ZGPAT: variants seen among roughly 807,000 people sequenced by gnomAD.
The protein encoded by ZGPAT is zinc finger CCCH-type with G patch domain-containing protein.
A neutral mutation model predicts 47.9 loss-of-function variants in ZGPAT; 39 were observed. That is an observed-to-expected ratio of 0.81 (90% CI 0.63 to 1.06). The LOEUF is 1.06. ZGPAT is among the 50% of genes least tolerant of loss of function. The pLI is 0.00. For missense variants in ZGPAT, 717 were observed against 681.4 expected, an observed-to-expected ratio of 1.05 and a Z score of -0.58; for synonymous variants, 348 against 292.9, an observed-to-expected ratio of 1.19 and a Z score of -1.92.
At chr20:63,717,413 G>A (rs572178223) in intron 2 of ZGPAT, among the ~76,000 whole-genome samples, 70 of 131,818 alleles carry the variant, frequency 5.3e-4, no homozygotes, top group African/African-American at 2.0e-3. Context: ...GCAGTGGCAT[G>A]ATCTCAGCTC....
intron 2 of ZGPAT, 80 bp downstream of exon 2, chr20:63,709,244 C>G: frequency 6.6e-7 from 1 of 1,511,806 alleles, no homozygotes; most frequent in South Asian, 1.1e-5. Flanking sequence ...TCGGCCCTCC[C>G]TTTGCTTTGC....
chr20:63,709,162 C>T lies in ZGPAT; in HGVS notation c.582C>T (p.Cys194=). 6.2e-7 allele frequency: 1 copy of T among 1,608,952 alleles called. No homozygotes were observed. Among genetic ancestry groups the T allele is most frequent in the Admixed American group, 1.7e-5 (1 of 60,018 alleles). ...LEGKCRFKEN[C]RFSHGQVVSL... is the part of the protein sequence containing the mutation. ...GAAAGTGCCGCTTTAAGGAGAACTG[C>T]AGGTAAAGCCCTTTGTTGTCAGATG... Residue 194 remains cysteine (C), a splice_region_variant and synonymous_variant, in exon 2 of 7, where the codon TGC becomes TGT. Coordinates refer to ENST00000355969, the MANE Select transcript of ZGPAT (RefSeq NM_181485.3).
chr20:63,727,035 CT>C (rs2091852441), intron 2 of ZGPAT, among the ~76,000 whole-genome samples: 2 of 152,044 alleles, frequency 1.3e-5, no homozygotes, highest in African/African-American at 4.8e-5. Context: ...TACATTAGGG[CT>C]AACTCTTGGT....
chr20:63,735,766 T>C lies in ZGPAT; in HGVS notation c.1398-15T>C. 3 of 1,585,474 alleles carry C rather than the reference T, an allele frequency of 1.9e-6. No individual in the cohort carries two copies. The highest frequency in any genetic ancestry group is 2.6e-6 in the Non-Finnish European group (3 of 1,167,060). On this transcript the variant is annotated splice_polypyrimidine_tract_variant and intron_variant, in intron 6 of 6. Transcript: ENST00000355969. ...TGGCCCAGGACCCCACGCTGACTAG[T>C]GAGCCCCTCCGCAGGCATAGCGTGG... is the stretch of plus-strand genomic sequence containing the variant.
intron 2 of ZGPAT, among the ~76,000 whole-genome samples, chr20:63,721,354 A>T (rs2091785668): frequency 7.1e-6 from 1 of 140,034 alleles, no homozygotes. Flanking sequence ...TCTGTCTCAA[A>T]TAAAAAAAAA....
chr20:63,733,807 G>A (rs1439292618), intron 4 of ZGPAT, 68 bp downstream of exon 4: 1 of 1,548,672 alleles, frequency 6.5e-7, no homozygotes, highest in Non-Finnish European at 8.7e-7. Flanking sequence ...CCTGGCCGGT[G>A]AGGGCACCAA....
chr20:63,708,761 A>G lies in ZGPAT; in HGVS notation c.181A>G (p.Ser61Gly). Reference protein sequence around the residue: ...EASLVSVRKSSLLAALDEERP... With the variant: ...EASLVSVRKSGLLAALDEERP... Reference sequence around the variant, plus strand: ...CAGCCTGGTGTCTGTCAGGAAGAGCAGCTTGTTGGCCGCGCTGGACGAAGA... The same window carrying G: ...CAGCCTGGTGTCTGTCAGGAAGAGCGGCTTGTTGGCCGCGCTGGACGAAGA... Residue 61 changes from serine to glycine, a missense_variant, in exon 2 of 7, where the codon AGC becomes GGC. By Grantham distance (56) the Ser-to-Gly change is moderately conservative. Transcript: ENST00000355969. 6.2e-7 allele frequency: 1 copy of G among 1,611,472 alleles called. No homozygotes were observed. The highest frequency in any genetic ancestry group is 1.1e-5 in the South Asian group (1 of 91,056).
At chr20:63,717,336 T>C (rs1445500156) in intron 2 of ZGPAT, among the ~76,000 whole-genome samples, 2 of 133,214 alleles carry the variant, frequency 1.5e-5, no homozygotes, top group African/African-American at 2.8e-5. Flanking sequence ...TCTTTTCTTT[T>C]TTTTTTTTTT....
Position 63,715,261 on chromosome 20 carries a change from A to T in ZGPAT, c.584+6097A>T, listed in dbSNP as rs1246326793. On this transcript the variant is annotated intron_variant, in intron 2 of 6. Coordinates refer to ENST00000355969, the MANE Select transcript of ZGPAT (RefSeq NM_181485.3). ...TTCTTTTTCTTTTTTTTTTTTTTTG[A>T]GACAGAGTCTCACTCTGTCGCCGGG... Among the ~76,000 whole-genome samples, 13 of 116,100 alleles carry T rather than the reference A, an allele frequency of 1.1e-4. No homozygotes were observed. In the East Asian group the frequency reaches 2.9e-3, roughly 26 times the overall value. 76.2% of individuals were successfully genotyped at this position (116,100 alleles called of 152,430 possible).
chr20:63,730,956 CTCTCTCTCTCTCTCTGTGTG>C lies in ZGPAT; in HGVS notation c.585-2261_585-2242del, dbSNP rs1275017954. On this transcript the variant is annotated intron_variant, in intron 2 of 6. Transcript: ENST00000355969. ...TCTCTCTCTCTCTCTCTCTCTCTCTCTCTCTCTCTCTCTCTGTGTGTGTGTGTGTGTGTGTCTCGGTTTTG... is the reference window on the plus strand; with the variant it reads ...TCTCTCTCTCTCTCTCTCTCTCTCTCTGTGTGTGTGTGTGTCTCGGTTTTG... Among the ~76,000 whole-genome samples the C allele has an allele frequency of 2.2e-3, 280 of 126,864 alleles. 2 individuals are homozygous for C. The highest frequency in any genetic ancestry group is 8.5e-3 in the African/African-American group (259 of 30,350). 83.2% of individuals were successfully genotyped at this position (126,864 alleles called of 152,430 possible).
chr20:63,724,778 A>G (rs2091826543), intron 2 of ZGPAT, among the ~76,000 whole-genome samples: 1 of 148,586 alleles, frequency 6.7e-6, no homozygotes, highest in Admixed American at 6.8e-5. Context: ...GGTTAGAGTG[A>G]TTTTCCTGCC....
At chr20:63,713,997 A>G (rs753716998) in intron 2 of ZGPAT, among the ~76,000 whole-genome samples, 1 of 152,138 alleles carries the variant, frequency 6.6e-6, no homozygotes, top group African/African-American at 2.4e-5. Flanking sequence ...ATACAATCAT[A>G]TATATTCAAT....
intron 2 of ZGPAT, among the ~76,000 whole-genome samples, chr20:63,729,898 A>G (rs6089966): frequency 0.95 from 143,977 of 151,938 alleles, 68,263 homozygotes; most frequent in East Asian, 0.99. Context: ...GCACACTCCC[A>G]TAGTCCCAGC....
chr20:63,726,592 G>A (rs1469049049), intron 2 of ZGPAT, among the ~76,000 whole-genome samples: 2 of 151,590 alleles, frequency 1.3e-5, no homozygotes, highest in South Asian at 2.1e-4. Context: ...GTGCAATCTC[G>A]GCTCACTGCA....
chr20:63,725,890 T>A (rs1180340189), intron 2 of ZGPAT, among the ~76,000 whole-genome samples: 1 of 151,946 alleles, frequency 6.6e-6, no homozygotes, highest in African/African-American at 2.4e-5. Context: ...TGGAGTGCAG[T>A]GGCGCGATTT....
chr20:63,714,427 TA>T (rs553069740), intron 2 of ZGPAT, among the ~76,000 whole-genome samples: 122,691 of 133,560 alleles, frequency 0.92, 56,339 homozygotes, highest in East Asian at 0.99. Flanking sequence ...ACCCTGTCTT[TA>T]AAAAAAAAAA....
At chr20:63,724,166 G>A (rs1232420840) in intron 2 of ZGPAT, among the ~76,000 whole-genome samples, 1 of 152,116 alleles carries the variant, frequency 6.6e-6, no homozygotes, top group Non-Finnish European at 1.5e-5. Flanking sequence ...AGGAGTTTAA[G>A]ACCAGCCTGG....
In ZGPAT at chr20:63,724,363, T is replaced by TAAA. The variant is rs59890523; in HGVS notation, c.585-8841_585-8839dup. 2.6e-3 allele frequency among the ~76,000 whole-genome samples: 323 copies of TAAA among 124,594 alleles called. 6 individuals are homozygous for TAAA. The highest frequency in any genetic ancestry group is 8.2e-3 in the Middle Eastern group (2 of 244). The allele number at this position is 124,594 out of a possible 152,430, so 81.7% of individuals were successfully genotyped here. ...CTAGATGACAGAGCGAGACTCTGCC[T>TAAA]AAAAAAAAAAAAAAAAAGAAAAGAA... On this transcript the variant is annotated intron_variant, in intron 2 of 6. Coordinates refer to ENST00000355969, the MANE Select transcript of ZGPAT (RefSeq NM_181485.3).
chr20:63,735,594 G>A (rs776864790), intron 6 of ZGPAT, 30 bp downstream of exon 6: 3 of 1,509,184 alleles, frequency 2.0e-6, no homozygotes, highest in Non-Finnish European at 2.7e-6. Flanking sequence ...CAGGGCAAAG[G>A]GCGACCCAGG....
Sources: allele counts gnomAD v4.1 joint callset (sites outside exome capture counted in the v4.1 genomes callset), GRCh38; gene constraint gnomAD v4.1.1; transcripts MANE v1.5; gene names NCBI Gene and HGNC (gene_info 2026-07-23, HGNC 2026-07-21).